The following KCNH7 variants were observed in gnomAD, a reference collection of about 807,000 sequenced individuals.
The protein encoded by KCNH7 is voltage-gated inwardly rectifying potassium channel KCNH7.
A neutral mutation model predicts 120.8 loss-of-function variants in KCNH7; 49 were observed. That is an observed-to-expected ratio of 0.41 (90% confidence interval 0.32 to 0.51). The LOEUF (loss-of-function observed/expected upper bound fraction) is 0.51. KCNH7 is among the 20% of genes least tolerant of loss of function. The probability of loss-of-function intolerance (pLI) is 0.38; values close to 1 mark genes in which losing one functional copy is unlikely to be tolerated. For missense variants in KCNH7, 1,097 were observed against 1,446.6 expected (o/e 0.76, Z 3.92); for synonymous variants, 547 against 516.1 (o/e 1.06, Z -0.81).
chr2:162,684,270 A>T (rs1685808754), intron 2 of KCNH7, among the ~76,000 whole-genome samples: 1 of 152,194 alleles, frequency 6.6e-6, no homozygotes. Flanking sequence ...AGGCAATACC[A>T]TTCAAGATAC....
chr2:162,409,709 G>A (rs1263904925), intron 9 of KCNH7, among the ~76,000 whole-genome samples: 1 of 151,788 alleles, frequency 6.6e-6, no homozygotes, highest in East Asian at 1.9e-4. Flanking sequence ...ATACTTCTAG[G>A]TTTAATAAAC....
At chr2:162,796,572 G>C (rs1202110553) in intron 2 of KCNH7, 1 of 152,022 alleles carries the variant, frequency 6.6e-6, no homozygotes, top group South Asian at 2.1e-4. Flanking sequence ...TACCCACCTT[G>C]TCTTAAACAG....
At chr2:162,423,292 A>G (rs1169475417) in intron 9 of KCNH7, 44 bp downstream of exon 9, 4 of 1,613,958 alleles carry the variant, frequency 2.5e-6, no homozygotes, top group Admixed American at 3.3e-5. Context: ...GGCTATCACT[A>G]TAATGCCTGC....
At chr2:162,498,872 T>C (rs1207596474) in intron 6 of KCNH7, among the ~76,000 whole-genome samples, 1 of 152,034 alleles carries the variant, frequency 6.6e-6, no homozygotes, top group African/African-American at 2.4e-5. Flanking sequence ...TACACAAAAA[T>C]GTATATAGCT....
At chr2:162,555,631 C>T (rs952461633) in intron 2 of KCNH7, among the ~76,000 whole-genome samples, 1 of 152,116 alleles carries the variant, frequency 6.6e-6, no homozygotes, top group African/African-American at 2.4e-5. Flanking sequence ...AATGTAGACA[C>T]TCAAGAGTTT....
At position 162,823,222 on chromosome 2, in the gene KCNH7, G is replaced by A. The variant is rs1019617110; in HGVS notation, c.307+13315C>T. ...AGAACAATAAAATATCTATGTCTTC[G>A]GATATGCTAAAAATTGAAAAAAAAA... On this transcript the variant is annotated intron_variant, in intron 2 of 15. Transcript: ENST00000332142. 2.0e-4 allele frequency among the ~76,000 whole-genome samples: 22 copies of A among 109,318 alleles called. No individual in the cohort carries two copies. The East Asian group carries it at 4.0e-3, about 20-fold the overall frequency. The allele number at this position is 109,318 out of a possible 152,430, so 71.7% of individuals were successfully genotyped here.
intron 2 of KCNH7, among the ~76,000 whole-genome samples, chr2:162,799,120 T>C (rs191699135): frequency 6.6e-6 from 1 of 152,010 alleles, no homozygotes; most frequent in Admixed American, 6.6e-5. Flanking sequence ...ACTTGAGAAA[T>C]ATATTTTATT....
rs910692570 is a variant in KCNH7 at position 162,792,807 on chromosome 2, G to C, written c.307+43730C>G. ...TGTGTGTGTGTGTGTGTGTGTGTGT[G>C]TCTCAATCTCCTTCAGTTCAGCTCT... On this transcript the variant is annotated intron_variant, in intron 2 of 15. Transcript: ENST00000332142. 2.3e-4 allele frequency among the ~76,000 whole-genome samples: 25 copies of C among 106,424 alleles called. No homozygotes were observed. In the South Asian group the frequency reaches 3.1e-3, roughly 13 times the overall value. The allele number at this position is 106,424 out of a possible 152,430, so 69.8% of individuals were successfully genotyped here. A position where few individuals can be genotyped will look rare whatever the true frequency, so the allele number is the denominator to read the frequency against.
intron 2 of KCNH7, among the ~76,000 whole-genome samples, chr2:162,586,654 G>T (rs1176519092): frequency 6.7e-6 from 1 of 150,334 alleles, no homozygotes; most frequent in Non-Finnish European, 1.5e-5. Flanking sequence ...TAATGATAAC[G>T]GTTTCTTTCC....
At position 162,446,165 on chromosome 2, in the gene KCNH7, G is replaced by A; in HGVS notation, c.1407C>T (p.Asn469=). The A allele has an allele frequency of 6.2e-7, 1 of 1,613,696 alleles. No individual in the cohort carries two copies. The highest frequency in any genetic ancestry group is 8.5e-7 in the Non-Finnish European group (1 of 1,179,734). ...DIMFIIDILI[N]FRTTYVNQNE... The stretch of plus-strand genomic sequence containing the variant: ...TCTGATTTACATATGTTGTTCTGAA[G>A]TTTATTAAAATATCTATGATAAACA... Residue 469 remains asparagine, a synonymous_variant, in exon 7 of 16, where the codon AAC becomes AAT. Coordinates refer to ENST00000332142, the MANE Select transcript of KCNH7 (RefSeq NM_033272.4).
chr2:162,691,532 A>T (rs1045782858), intron 2 of KCNH7, among the ~76,000 whole-genome samples: 3 of 152,180 alleles, frequency 2.0e-5, no homozygotes, highest in African/African-American at 7.2e-5. Context: ...ATTATAGGAA[A>T]AACAAGAGAT....
intron 2 of KCNH7, among the ~76,000 whole-genome samples, chr2:162,752,954 A>AAAAGAAAAGAAAAGAAAAGAAAAGAAAAG (rs1688634017): frequency 9.0e-6 from 1 of 110,752 alleles, no homozygotes; most frequent in African/African-American, 5.4e-5. Flanking sequence ...AAAAGAAAAG[A>AAAAGAAAAGAAAAGAAAAGAAAAGAAAAG]AAAGAAAAGA....
At position 162,736,872 on chromosome 2, in the gene KCNH7, TA is replaced by T. The variant is rs565764349; in HGVS notation, c.307+99664del. Reference sequence around the variant, plus strand: ...GCACAATGACTAGCAATTAAACCCTTAAAAAATAACTTTTTTTTTCCTGAGG... The same window carrying T: ...GCACAATGACTAGCAATTAAACCCTTAAAAATAACTTTTTTTTTCCTGAGG... On this transcript the variant is annotated intron_variant, in intron 2 of 15. Coordinates refer to ENST00000332142, the MANE Select transcript of KCNH7 (RefSeq NM_033272.4). 7.7e-4 allele frequency among the ~76,000 whole-genome samples: 118 copies of T among 152,268 alleles called. 1 individual carries two copies. Among genetic ancestry groups the T allele is most frequent in the African/African-American group, 2.4e-3 (100 of 41,552 alleles).
chr2:162,696,045 A>C (rs1686275085), intron 2 of KCNH7, among the ~76,000 whole-genome samples: 1 of 152,196 alleles, frequency 6.6e-6, no homozygotes, highest in Admixed American at 6.6e-5. Context: ...TAAGGAATCT[A>C]CCAGGCAAGG....
chr2:162,590,951 C>T (rs1694193995), intron 2 of KCNH7, among the ~76,000 whole-genome samples: 1 of 152,110 alleles, frequency 6.6e-6, no homozygotes, highest in Non-Finnish European at 1.5e-5. Context: ...TGGCCCTTGC[C>T]TACCATTTGA....
chr2:162,786,633 C>CT (rs1249543321), intron 2 of KCNH7, among the ~76,000 whole-genome samples: 1 of 152,050 alleles, frequency 6.6e-6, no homozygotes, highest in Non-Finnish European at 1.5e-5. Context: ...AAAATTATGT[C>CT]TTCAATTAAA....
chr2:162,645,551 G>A (rs1684327370), intron 2 of KCNH7, among the ~76,000 whole-genome samples: 1 of 152,088 alleles, frequency 6.6e-6, no homozygotes, highest in African/African-American at 2.4e-5. Context: ...CTTATCATCT[G>A]TATATCATCT....
chr2:162,655,512 C>T (rs1009126835), intron 2 of KCNH7, among the ~76,000 whole-genome samples: 5 of 152,092 alleles, frequency 3.3e-5, no homozygotes, highest in African/African-American at 1.2e-4. Context: ...TCTGGCCGGG[C>T]GTGGTGGCTC....
intron 2 of KCNH7, among the ~76,000 whole-genome samples, chr2:162,725,246 G>T (rs769685546): frequency 8.8e-4 from 134 of 152,000 alleles, no homozygotes; most frequent in Non-Finnish European, 1.6e-3. Context: ...TATTCCTATT[G>T]TAACTGTTTA....
Sources: gnomAD v4.1 joint callset for allele counts (sites outside exome capture counted in the v4.1 genomes callset) on GRCh38, gnomAD v4.1.1 for gene constraint, MANE v1.5 for transcripts, NCBI Gene and HGNC (gene_info 2026-07-23, HGNC 2026-07-21) for gene names.